KCNN3: variants seen among roughly 807,000 people sequenced by gnomAD.
KCNN3 encodes the protein small conductance calcium-activated potassium channel protein 3.
Under a neutral mutation model 62.9 loss-of-function variants are expected in KCNN3, and 16 were observed. The observed-to-expected ratio is 0.25, with a 90% CI of 0.17 to 0.39. KCNN3 has a LOEUF of 0.39. Ranked by LOEUF, KCNN3 falls within the 10% of genes least tolerant of loss-of-function variation. The pLI, the probability that KCNN3 is intolerant of heterozygous loss-of-function variation, is 1.00. For missense variants in KCNN3, 599 were observed against 949.4 expected (o/e 0.63, Z 4.85); for synonymous variants, 370 against 389.2 (o/e 0.95, Z 0.58).
intron 2 of KCNN3, among the ~76,000 whole-genome samples, chr1:154,818,772 T>G (rs1650772907): frequency 6.6e-6 from 1 of 152,236 alleles, no homozygotes; most frequent in African/African-American, 2.4e-5. Flanking sequence ...TTACCCAGCT[T>G]GGGTGAGAGT....
intron 5 of KCNN3, among the ~76,000 whole-genome samples, chr1:154,724,339 C>T (rs1700418102): frequency 6.6e-6 from 1 of 152,192 alleles, no homozygotes; most frequent in African/African-American, 2.4e-5. Context: ...TGCTGTGCAA[C>T]ATTAATCACT....
intron 3 of KCNN3, 67 bp downstream of exon 3, chr1:154,771,908 C>G (rs749729371): frequency 6.6e-7 from 1 of 1,514,304 alleles, no homozygotes; most frequent in Non-Finnish European, 9.2e-7. Context: ...CTTCCTGGCA[C>G]CCCTACTCCT....
At chr1:154,815,471 T>A (rs1056444114) in intron 2 of KCNN3, among the ~76,000 whole-genome samples, 1 of 152,206 alleles carries the variant, frequency 6.6e-6, no homozygotes, top group Non-Finnish European at 1.5e-5. Flanking sequence ...CCCTCCTCCG[T>A]GGCCACTTGG....
chr1:154,727,929 G>A (rs759111265), intron 4 of KCNN3, among the ~76,000 whole-genome samples: 5 of 152,196 alleles, frequency 3.3e-5, no homozygotes, highest in African/African-American at 9.7e-5. Flanking sequence ...ATATCATAGC[G>A]TTAAAAATGG....
intron 1 of KCNN3, among the ~76,000 whole-genome samples, chr1:154,840,683 A>G (rs1344489033): frequency 6.6e-6 from 1 of 152,244 alleles, no homozygotes; most frequent in East Asian, 1.9e-4. Flanking sequence ...TCCAAACAGC[A>G]GAGCCATTTC....
intron 1 of KCNN3, among the ~76,000 whole-genome samples, chr1:154,844,642 A>C (rs1043048490): frequency 4.9e-5 from 7 of 143,228 alleles, no homozygotes; most frequent in Non-Finnish European, 1.1e-4. Context: ...TCGCTCTGCT[A>C]TCTTACTCAG....
Position 154,707,782 on chromosome 1 carries a change from T to G in KCNN3, c.*194A>C, listed in dbSNP as rs1699993076. 3.1e-6 allele frequency: 2 copies of G among 643,300 alleles called. No homozygotes were observed. The highest frequency in any genetic ancestry group is 5.2e-6 in the Non-Finnish European group (2 of 383,542). The allele number at this position is 643,300 out of a possible 1,614,324, so 39.8% of individuals were successfully genotyped here. A position where few individuals can be genotyped will look rare whatever the true frequency, so the allele number is the denominator to read the frequency against. On this transcript the variant is annotated 3_prime_UTR_variant, in exon 8 of 8. Transcript: ENST00000271915. Reference sequence around the variant, plus strand: ...CTTCCCGCTCCCAAGTAGAGGCACCTAAACAGAGATTAGATTTCTGGTTTC... The same window carrying G: ...CTTCCCGCTCCCAAGTAGAGGCACCGAAACAGAGATTAGATTTCTGGTTTC...
intron 2 of KCNN3, among the ~76,000 whole-genome samples, chr1:154,797,678 C>G (rs1330854385): frequency 6.6e-6 from 1 of 152,198 alleles, no homozygotes; most frequent in Non-Finnish European, 1.5e-5. Flanking sequence ...TCCCCAGTGC[C>G]AGGAACAGTG....
chr1:154,725,416 C>T (rs1297982318), intron 5 of KCNN3, among the ~76,000 whole-genome samples: 2 of 152,080 alleles, frequency 1.3e-5, no homozygotes, highest in Non-Finnish European at 2.9e-5. Context: ...GCACAGTGAT[C>T]GAACAGAAGA....
intron 1 of KCNN3, among the ~76,000 whole-genome samples, chr1:154,846,763 T>G (rs541078850): frequency 5.3e-5 from 8 of 152,222 alleles, no homozygotes; most frequent in Admixed American, 5.2e-4. Context: ...TACTCCACAG[T>G]TGGGGTAATC....
chr1:154,847,500 G>A (rs1394668096), intron 1 of KCNN3, among the ~76,000 whole-genome samples: 2 of 152,198 alleles, frequency 1.3e-5, no homozygotes, highest in South Asian at 4.1e-4. Flanking sequence ...GCCACACTGG[G>A]GTTGCCTGCA....
rs1652808296 is a variant in KCNN3 at position 154,862,583 on chromosome 1, C to T, written c.933+6449G>A. ...GCTTTCATTTTCCCTGTATTCTCCA[C>T]ACCTACCCTCCTCACAACCTGCCCG... On this transcript the variant is annotated intron_variant, in intron 1 of 7. Transcript: ENST00000271915. The surrounding 1 kb of genome is among the most constrained non-coding windows in gnomAD (Gnocchi z 4.1). Among the ~76,000 whole-genome samples the T allele has an allele frequency of 6.6e-5, 10 of 152,230 alleles. No homozygotes were observed. The South Asian group carries it at 1.9e-3, about 28-fold the overall frequency.
intron 1 of KCNN3, among the ~76,000 whole-genome samples, chr1:154,847,016 A>C (rs992218930): frequency 6.6e-6 from 1 of 152,062 alleles, no homozygotes; most frequent in Non-Finnish European, 1.5e-5. Context: ...CCAGGAGTTG[A>C]GCCGGCTCCG....
At chr1:154,847,723 C>G (rs1249185592) in intron 1 of KCNN3, among the ~76,000 whole-genome samples, 1 of 152,200 alleles carries the variant, frequency 6.6e-6, no homozygotes, top group African/African-American at 2.4e-5. Context: ...CTTGCCTCTC[C>G]CCACCCATCA....
chr1:154,787,934 A>G (rs1018210755), intron 2 of KCNN3, among the ~76,000 whole-genome samples: 3 of 152,098 alleles, frequency 2.0e-5, no homozygotes, highest in Admixed American at 6.5e-5. Context: ...GGGTAGCTGG[A>G]GGAGGGGGCA....
At chr1:154,729,873 C>T (rs1418999216) in intron 4 of KCNN3, among the ~76,000 whole-genome samples, 1 of 152,236 alleles carries the variant, frequency 6.6e-6, no homozygotes, top group African/African-American at 2.4e-5. Flanking sequence ...AGTTCAGAGG[C>T]ATCTCTCATG....
At chr1:154,864,182 A>C (rs1485015728) in intron 1 of KCNN3, among the ~76,000 whole-genome samples, 3 of 151,942 alleles carry the variant, frequency 2.0e-5, no homozygotes, top group African/African-American at 7.3e-5. Flanking sequence ...CCTGCAGGTC[A>C]CCCCACAGGG....
chr1:154,723,760 T>G (rs1700404676), intron 5 of KCNN3, among the ~76,000 whole-genome samples: 1 of 152,204 alleles, frequency 6.6e-6, no homozygotes, highest in African/African-American at 2.4e-5. Flanking sequence ...GCAAAACATC[T>G]CCCTGCCCTC....
rs1377520690 is a variant in KCNN3, at chr1:154,701,700, C to A, written c.*6276G>T. 6.6e-6 allele frequency: 1 copy of A among 152,238 alleles called. No individual in the cohort carries two copies. The highest frequency in any genetic ancestry group is 2.4e-5 in the African/African-American group (1 of 41,446). 9.4% of individuals were successfully genotyped at this position (152,238 alleles called of 1,614,324 possible). A position where few individuals can be genotyped will look rare whatever the true frequency, so the allele number is the denominator to read the frequency against. ...CATCACTCCCTTAGGAGCTGGGCTCCATGTCCTTGATAAACATGTGGGAAC... is the reference window on the plus strand; with the variant it reads ...CATCACTCCCTTAGGAGCTGGGCTCAATGTCCTTGATAAACATGTGGGAAC... On this transcript the variant is annotated 3_prime_UTR_variant, in exon 8 of 8. Transcript: ENST00000271915.
Sources: allele counts gnomAD v4.1 joint callset (sites outside exome capture counted in the v4.1 genomes callset), GRCh38; gene constraint gnomAD v4.1.1; non-coding constraint Gnocchi (gnomAD v3.1); transcripts MANE v1.5; gene names NCBI Gene and HGNC (gene_info 2026-07-23, HGNC 2026-07-21).